Variants in SLC25A26 observed in about 807,000 individuals in gnomAD.
SLC25A26 encodes mitochondrial S-adenosylmethionine carrier protein.
Under a neutral mutation model 37.8 loss-of-function variants are expected in SLC25A26, and 36 were observed. The observed-to-expected ratio is 0.95, with a 90% CI of 0.73 to 1.26. SLC25A26 has a LOEUF of 1.26. Among genes scored for constraint, SLC25A26 ranks in the 50% most tolerant of loss-of-function variants. The pLI, the probability that SLC25A26 is intolerant of heterozygous loss-of-function variation, is 0.00. For missense variants in SLC25A26, 390 were observed against 331.1 expected, an observed-to-expected ratio of 1.18 and a Z score of -1.38; for synonymous variants, 129 against 122.5, an observed-to-expected ratio of 1.05 and a Z score of -0.35.
chr3:66,275,816 T>A (rs1336103005), intron 5 of SLC25A26, among the ~76,000 whole-genome samples: 1 of 152,080 alleles, frequency 6.6e-6, no homozygotes, highest in Non-Finnish European at 1.5e-5. Context: ...TTCAAAACAG[T>A]TTTTGAAGTG....
intron 1 of SLC25A26, among the ~76,000 whole-genome samples, chr3:66,195,191 C>G (rs988513642): frequency 6.6e-6 from 1 of 152,236 alleles, no homozygotes; most frequent in Non-Finnish European, 1.5e-5. Flanking sequence ...CAGAGAGTAG[C>G]CTCCGCCCCA....
At chr3:66,368,549 A>G (rs901492282) in intron 7 of SLC25A26, among the ~76,000 whole-genome samples, 10 of 152,214 alleles carry the variant, frequency 6.6e-5, no homozygotes, top group Admixed American at 3.9e-4. Flanking sequence ...TTAGAAAGGT[A>G]ACTTTGACTA....
At chr3:66,229,413 C>T (rs2071904838) in intron 1 of SLC25A26, among the ~76,000 whole-genome samples, 1 of 152,162 alleles carries the variant, frequency 6.6e-6, no homozygotes, top group Admixed American at 6.5e-5. Context: ...GTGTCAAGGA[C>T]GAACCAAAGG....
Position 66,370,564 on chromosome 3 carries a change from T to C in SLC25A26, c.669T>C (p.Ser223=). The C allele has an allele frequency of 6.2e-7, 1 of 1,613,986 alleles. No individual in the cohort carries two copies. The highest frequency in any genetic ancestry group is 8.5e-7 in the Non-Finnish European group (1 of 1,179,872). ...GSSTADGNVL[S]VLHGVWRSQG... ...GCACTGCTGATGGGAATGTGCTCTC[T>C]GTCCTGCATGGGGTCTGGCGGTCAC... Residue 223 remains serine, a synonymous_variant, in exon 9 of 10, where the codon TCT becomes TCC. Transcript: ENST00000354883.
At chr3:66,367,697 C>T (rs75101728) in intron 7 of SLC25A26, among the ~76,000 whole-genome samples, 1 of 143,502 alleles carries the variant, frequency 7.0e-6, no homozygotes, top group Non-Finnish European at 1.5e-5. Flanking sequence ...GACAGACAGA[C>T]AGACAGACAC....
intron 1 of SLC25A26, among the ~76,000 whole-genome samples, chr3:66,148,995 T>C (rs2070159791): frequency 6.6e-6 from 1 of 152,180 alleles, no homozygotes. Flanking sequence ...CCTTTATTCC[T>C]TCTGGGGAAC....
In SLC25A26 at chr3:66,210,117, C is replaced by T. The variant is rs2071265078; in HGVS notation, c.-353-10625C>T. Reference sequence around the variant, plus strand: ...TATGGCCTCCTTCACTTCCTCCTTCCTCCCTCCTTCTCCCTTTTCTATTCC... The same window carrying T: ...TATGGCCTCCTTCACTTCCTCCTTCTTCCCTCCTTCTCCCTTTTCTATTCC... On this transcript the variant is annotated intron_variant, in intron 1 of 10. Transcript: ENST00000676754. Among the ~76,000 whole-genome samples, 5 of 150,378 alleles carry T rather than the reference C, an allele frequency of 3.3e-5. No individual in the cohort carries two copies. In the South Asian group the frequency reaches 1.1e-3, roughly 32 times the overall value.
At chr3:66,250,309 C>G (rs2073031112) in intron 3 of SLC25A26, among the ~76,000 whole-genome samples, 3 of 152,112 alleles carry the variant, frequency 2.0e-5, no homozygotes, top group Non-Finnish European at 2.9e-5. Flanking sequence ...GATGAAATGA[C>G]AGGATAAGAT....
rs570266887 is a variant in SLC25A26, at chr3:66,290,638, C to G, written c.453+27259C>G. 9.3e-4 allele frequency among the ~76,000 whole-genome samples: 142 copies of G among 152,220 alleles called. 1 individual carries two copies. Among genetic ancestry groups the G allele is most frequent in the African/African-American group, 3.2e-3 (132 of 41,532 alleles). On this transcript the variant is annotated intron_variant, in intron 5 of 9. Coordinates refer to ENST00000354883, the MANE Select transcript of SLC25A26 (RefSeq NM_001379210.1). Reference sequence around the variant, plus strand: ...CATTTGTTGATTTGCATATGTTGAACCAGCCTTGTATCCCAGGGATGAAGC... The same window carrying G: ...CATTTGTTGATTTGCATATGTTGAAGCAGCCTTGTATCCCAGGGATGAAGC...
At chr3:66,208,860 A>G (rs1349431813) in intron 1 of SLC25A26, among the ~76,000 whole-genome samples, 1 of 43,422 alleles carries the variant, frequency 2.3e-5, no homozygotes, top group Non-Finnish European at 6.3e-5. Context: ...ATACCTTTAT[A>G]TGGGTGTGTG....
chr3:66,156,780 T>C (rs373834223), intron 1 of SLC25A26, among the ~76,000 whole-genome samples: 1 of 152,056 alleles, frequency 6.6e-6, no homozygotes, highest in African/African-American at 2.4e-5. Context: ...CTGATTGGGC[T>C]GGGGCCTGCC....
chr3:66,329,943 A>G (rs566638343), intron 5 of SLC25A26, among the ~76,000 whole-genome samples: 2 of 152,344 alleles, frequency 1.3e-5, no homozygotes, highest in South Asian at 2.1e-4. Context: ...CTGCTTTAGC[A>G]TGTTTTTTGT....
chr3:66,226,698 A>G (rs1419157257), intron 1 of SLC25A26, among the ~76,000 whole-genome samples: 3 of 152,146 alleles, frequency 2.0e-5, no homozygotes, highest in Non-Finnish European at 4.4e-5. Flanking sequence ...ACTGGCCTCA[A>G]GCAATCCTCC....
intron 5 of SLC25A26, among the ~76,000 whole-genome samples, chr3:66,322,654 C>G (rs999688231): frequency 1.3e-5 from 2 of 152,320 alleles, no homozygotes; most frequent in East Asian, 1.9e-4. Flanking sequence ...GTTTTAATAA[C>G]AAACAAGCAT....
chr3:66,153,288 T>G (rs1045031263), intron 1 of SLC25A26, among the ~76,000 whole-genome samples: 2 of 152,216 alleles, frequency 1.3e-5, no homozygotes, highest in Non-Finnish European at 2.9e-5. Context: ...AGCATTGAGG[T>G]TGAGAACACT....
intron 1 of SLC25A26, among the ~76,000 whole-genome samples, chr3:66,135,031 A>G (rs1576587788): frequency 6.6e-6 from 1 of 152,068 alleles, no homozygotes; most frequent in Non-Finnish European, 1.5e-5. Flanking sequence ...GGGTTTCACC[A>G]TGTTGGTCAG....
upstream of SLC25A26, among the ~76,000 whole-genome samples, chr3:66,216,419 G>C (rs1037978103): frequency 6.6e-6 from 1 of 152,100 alleles, no homozygotes; most frequent in Admixed American, 6.6e-5. Context: ...AGCTGAGGCA[G>C]GAAGATTGCT....
intron 1 of SLC25A26, among the ~76,000 whole-genome samples, chr3:66,209,894 C>CTATTTATATATATATA (rs1462930953): frequency 7.6e-5 from 1 of 13,192 alleles, no homozygotes. Context: ...CTCTCTCTCT[C>CTATTTATATATATATA]TATTTATATA....
chr3:66,304,171 T>G (rs1193824891), intron 5 of SLC25A26, among the ~76,000 whole-genome samples: 1 of 152,206 alleles, frequency 6.6e-6, no homozygotes, highest in Admixed American at 6.5e-5. Flanking sequence ...TAATTAAATC[T>G]GCAGAATCCA....
Sources: allele counts gnomAD v4.1 joint callset (sites outside exome capture counted in the v4.1 genomes callset), GRCh38; gene constraint gnomAD v4.1.1; transcripts MANE v1.5; gene names NCBI Gene and HGNC (gene_info 2026-07-23, HGNC 2026-07-21).